Variants in TNNI3K observed in about 807,000 individuals in gnomAD.
The protein encoded by TNNI3K is TNNI3 interacting kinase.
TNNI3K carries 140 observed loss-of-function variants against 114.5 expected under a neutral mutation model. The ratio of observed to expected loss-of-function variants is 1.22; its 90% CI spans 1.07 to 1.41. The LOEUF (loss-of-function observed/expected upper bound fraction) is 1.41. TNNI3K is among the 40% of genes most tolerant of loss of function. The pLI is 0.00. For missense variants in TNNI3K, 1,125 were observed against 1,007.6 expected, an observed-to-expected ratio of 1.12 and a Z score of -1.58; for synonymous variants, 347 against 347.5, an observed-to-expected ratio of 1.00 and a Z score of 0.02.
chr1:74,543,500 C>T (rs1175604660), intron 24 of TNNI3K, among the ~76,000 whole-genome samples: 1 of 152,166 alleles, frequency 6.6e-6, no homozygotes, highest in Non-Finnish European at 1.5e-5. Context: ...CTCCCATTTA[C>T]AGATGAACAC....
At chr1:74,524,387 C>A (rs906125418) in intron 23 of TNNI3K, among the ~76,000 whole-genome samples, 1 of 152,152 alleles carries the variant, frequency 6.6e-6, no homozygotes, top group African/African-American at 2.4e-5. Context: ...TGACACTGTG[C>A]GGACTCCAGG....
chr1:74,260,361 A>T (rs1655590080), intron 4 of TNNI3K, among the ~76,000 whole-genome samples: 1 of 152,172 alleles, frequency 6.6e-6, no homozygotes, highest in Admixed American at 6.5e-5. Context: ...ACAATACTTG[A>T]CATTTGTTGA....
intron 23 of TNNI3K, among the ~76,000 whole-genome samples, chr1:74,534,569 A>G (rs1303913675): frequency 1.3e-5 from 2 of 152,138 alleles, no homozygotes; most frequent in Non-Finnish European, 2.9e-5. Flanking sequence ...GTCCCACCAC[A>G]CTAGAGAGAT....
intron 20 of TNNI3K, among the ~76,000 whole-genome samples, chr1:74,445,765 T>G (rs1197573053): frequency 6.6e-6 from 1 of 151,636 alleles, no homozygotes; most frequent in African/African-American, 2.4e-5. Flanking sequence ...CGCCCGCCAC[T>G]ACGCCTGGCT....
chr1:74,464,752 C>G (rs1482459338), intron 21 of TNNI3K: 5 of 1,564,004 alleles, frequency 3.2e-6, no homozygotes, highest in Non-Finnish European at 4.3e-6. Flanking sequence ...ACCTCTTATC[C>G]TGGCCATTCA....
intron 9 of TNNI3K, among the ~76,000 whole-genome samples, chr1:74,347,308 T>G (rs1320959247): frequency 5.9e-5 from 9 of 151,954 alleles, no homozygotes; most frequent in Non-Finnish European, 1.3e-4. Flanking sequence ...GCTTCATCCA[T>G]GTCCCTACAA....
chr1:74,416,321 G>A, intron 17 of TNNI3K: 1 of 985,352 alleles, frequency 1.0e-6, no homozygotes, highest in South Asian at 4.7e-5. Flanking sequence ...TACCAAAAAG[G>A]GACCTTAGTG....
chr1:74,247,480 A>G (rs950803988), intron 2 of TNNI3K, among the ~76,000 whole-genome samples: 4 of 152,210 alleles, frequency 2.6e-5, no homozygotes, highest in Non-Finnish European at 4.4e-5. Flanking sequence ...AGGGGACACA[A>G]GCAAGTTGCC....
At chr1:74,482,359 AT>A (rs2100263475) in intron 21 of TNNI3K, among the ~76,000 whole-genome samples, 1 of 152,350 alleles carries the variant, frequency 6.6e-6, no homozygotes, top group Non-Finnish European at 1.5e-5. Context: ...GATGAGAAAT[AT>A]TTGTTTCTTA....
chr1:74,445,719 T>A (rs1226921141), intron 20 of TNNI3K, among the ~76,000 whole-genome samples: 2 of 150,006 alleles, frequency 1.3e-5, no homozygotes, highest in Admixed American at 6.6e-5. Context: ...CATGCCATTC[T>A]CCTGCCTCAG....
intron 23 of TNNI3K, among the ~76,000 whole-genome samples, chr1:74,531,628 C>G (rs1325323503): frequency 6.6e-6 from 1 of 152,180 alleles, no homozygotes; most frequent in African/African-American, 2.4e-5. Context: ...GATTTATTAT[C>G]CTAGTGTAAA....
chr1:74,417,298 G>C (rs1570595009), intron 17 of TNNI3K, among the ~76,000 whole-genome samples: 1 of 151,982 alleles, frequency 6.6e-6, no homozygotes, highest in African/African-American at 2.4e-5. Context: ...GTACTTCCCT[G>C]TTCAAGCCAA....
intron 17 of TNNI3K, among the ~76,000 whole-genome samples, chr1:74,403,699 T>C (rs1416104977): frequency 2.0e-5 from 3 of 152,174 alleles, no homozygotes; most frequent in Non-Finnish European, 2.9e-5. Context: ...ACCTAGATAA[T>C]TGACTGAAGT....
chr1:74,522,386 C>G (rs540264695), intron 23 of TNNI3K, among the ~76,000 whole-genome samples: 1 of 152,052 alleles, frequency 6.6e-6, no homozygotes, highest in African/African-American at 2.4e-5. Flanking sequence ...TCAGATTACC[C>G]GTTCCCTAGA....
chr1:74,412,081 C>G (rs1312248434), intron 17 of TNNI3K, among the ~76,000 whole-genome samples: 1 of 152,076 alleles, frequency 6.6e-6, no homozygotes, highest in Non-Finnish European at 1.5e-5. Flanking sequence ...GGTAGCAACA[C>G]AGATTAGATA....
intron 4 of TNNI3K, among the ~76,000 whole-genome samples, chr1:74,267,583 G>C (rs1656077456): frequency 6.6e-6 from 1 of 152,000 alleles, no homozygotes; most frequent in Non-Finnish European, 1.5e-5. Flanking sequence ...AAGCTTAAAT[G>C]AGAGGATATA....
intron 9 of TNNI3K, among the ~76,000 whole-genome samples, chr1:74,349,680 T>C (rs777006531): frequency 5.3e-5 from 8 of 152,246 alleles, no homozygotes; most frequent in Non-Finnish European, 1.2e-4. Flanking sequence ...GGATTCAACT[T>C]CTTCCTGGTT....
At chr1:74,365,148 T>G (rs891275438) in intron 11 of TNNI3K, among the ~76,000 whole-genome samples, 2 of 152,108 alleles carry the variant, frequency 1.3e-5, no homozygotes, top group Non-Finnish European at 2.9e-5. Context: ...CTGTAAGGCA[T>G]ATTACATACA....
At chr1:74,314,957 T>C (rs1315244001) in intron 5 of TNNI3K, among the ~76,000 whole-genome samples, 1 of 152,118 alleles carries the variant, frequency 6.6e-6, no homozygotes, top group African/African-American at 2.4e-5. Flanking sequence ...CCTCACTCCC[T>C]GCCTATTTTA....
Sources: allele counts gnomAD v4.1 joint callset (sites outside exome capture counted in the v4.1 genomes callset), GRCh38; gene constraint gnomAD v4.1.1; transcripts MANE v1.5; gene names NCBI Gene and HGNC (gene_info 2026-07-23, HGNC 2026-07-21).